Variants in CSTF3 observed in about 807,000 individuals in gnomAD.
The protein encoded by CSTF3 is CF-1 77 kDa subunit.
A neutral mutation model predicts 105.8 loss-of-function variants in CSTF3; 29 were observed. That is an observed-to-expected ratio of 0.27 (90% confidence interval 0.20 to 0.37). The LOEUF (loss-of-function observed/expected upper bound fraction) is 0.37. Among genes scored for constraint, CSTF3 ranks in the 10% least tolerant of loss-of-function variants. The pLI, the probability that CSTF3 is intolerant of heterozygous loss-of-function variation, is 1.00. For missense variants in CSTF3, 357 were observed against 879.3 expected (o/e 0.41, Z 7.51); for synonymous variants, 252 against 281.9 (o/e 0.89, Z 1.06).
chr11:33,131,074 A>C (rs574763725), intron 3 of CSTF3, among the ~76,000 whole-genome samples: 20 of 152,326 alleles, frequency 1.3e-4, no homozygotes, highest in Admixed American at 5.2e-4. Flanking sequence ...CTTAAAATCC[A>C]AAATTACAAA....
chr11:33,086,523 C>T (rs1016610362), intron 18 of CSTF3, among the ~76,000 whole-genome samples: 7 of 151,884 alleles, frequency 4.6e-5, no homozygotes, highest in Non-Finnish European at 1.0e-4. Context: ...CTGCAACCTC[C>T]GCCTCCCGGG....
At chr11:33,138,292 C>G (rs1002402510) in intron 3 of CSTF3, among the ~76,000 whole-genome samples, 3 of 151,720 alleles carry the variant, frequency 2.0e-5, no homozygotes, top group Non-Finnish European at 4.4e-5. Context: ...ACTTCTCTAA[C>G]AATAAGATAT....
chr11:33,087,584 C>T (rs775369819), intron 17 of CSTF3, among the ~76,000 whole-genome samples: 5 of 152,198 alleles, frequency 3.3e-5, no homozygotes, highest in East Asian at 1.9e-4. Flanking sequence ...GGCATCACAC[C>T]GGTTAAGATT....
At chr11:33,093,677 C>T (rs775160048) in intron 15 of CSTF3, among the ~76,000 whole-genome samples, 8 of 152,008 alleles carry the variant, frequency 5.3e-5, no homozygotes, top group Non-Finnish European at 1.2e-4. Context: ...TATTTACACA[C>T]TTACACCACA....
At position 33,086,085 on chromosome 11, in the gene CSTF3, G is replaced by C. The variant is rs960750766; in HGVS notation, c.1796-96C>G. The C allele has an allele frequency of 6.3e-6, 5 of 797,616 alleles. No individual in the cohort carries two copies. In the Middle Eastern group the frequency reaches 7.9e-4, roughly 126 times the overall value. 49.4% of individuals were successfully genotyped at this position (797,616 alleles called of 1,614,324 possible). On this transcript the variant is annotated intron_variant, in intron 18 of 20. Coordinates refer to ENST00000323959, the MANE Select transcript of CSTF3 (RefSeq NM_001326.3). The stretch of plus-strand genomic sequence containing the variant: ...TTGCACATAAAGATCTTCCATGTCT[G>C]CTGCTTTGTTCTGGACACTGAAAAT...
chr11:33,118,517 A>G (rs1855456144), intron 3 of CSTF3, among the ~76,000 whole-genome samples: 1 of 151,886 alleles, frequency 6.6e-6, no homozygotes, highest in Non-Finnish European at 1.5e-5. Flanking sequence ...TTTTGAGAAA[A>G]GTGAGTAATT....
Position 33,084,627 on chromosome 11 carries a change from A to C in CSTF3, c.*460T>G, listed in dbSNP as rs1855083463. The C allele has an allele frequency of 1.3e-5, 2 of 155,804 alleles. No homozygotes were observed. Among genetic ancestry groups the C allele is most frequent in the African/African-American group, 2.4e-5 (1 of 41,612 alleles). 9.7% of individuals were successfully genotyped at this position (155,804 alleles called of 1,614,324 possible). Reference sequence around the variant, plus strand: ...TTTTTTAAAGGACTTTTAAAATTTGAAACTACAAAACGGATTTCATACATT... The same window carrying C: ...TTTTTTAAAGGACTTTTAAAATTTGCAACTACAAAACGGATTTCATACATT... On this transcript the variant is annotated 3_prime_UTR_variant, in exon 21 of 21. Transcript: ENST00000323959.
intron 1 of CSTF3, among the ~76,000 whole-genome samples, chr11:33,143,558 A>C (rs4756073): frequency 0.56 from 84,475 of 151,880 alleles, 26,084 homozygotes; most frequent in Non-Finnish European, 0.69. Context: ...AAGACCAGCC[A>C]GGCTAACATG....
At chr11:33,122,971 T>C (rs1475394887) in intron 3 of CSTF3, among the ~76,000 whole-genome samples, 2 of 140,062 alleles carry the variant, frequency 1.4e-5, no homozygotes, top group East Asian at 4.1e-4. Flanking sequence ...GTAAAACAGG[T>C]CAGTAAGAAC....
intron 1 of CSTF3, among the ~76,000 whole-genome samples, chr11:33,155,364 G>A (rs1031902201): frequency 6.3e-4 from 76 of 121,396 alleles, no homozygotes; most frequent in South Asian, 3.7e-3. Context: ...ACTCTGTCTC[G>A]AAAAAATAAA....
intron 3 of CSTF3, among the ~76,000 whole-genome samples, chr11:33,114,069 T>C (rs1262018663): frequency 2.0e-5 from 3 of 152,192 alleles, no homozygotes; most frequent in African/African-American, 7.2e-5. Flanking sequence ...ACTAAAACTA[T>C]CCTCAGATAA....
chr11:33,150,377 G>A (rs185812060), intron 1 of CSTF3, among the ~76,000 whole-genome samples: 286 of 152,230 alleles, frequency 1.9e-3, no homozygotes, highest in African/African-American at 5.7e-3. Context: ...ATCCAGTTTT[G>A]CTTCTGAAAT....
chr11:33,153,764 A>G (rs1849819817), intron 1 of CSTF3, among the ~76,000 whole-genome samples: 1 of 152,036 alleles, frequency 6.6e-6, no homozygotes, highest in Non-Finnish European at 1.5e-5. Context: ...CTTTCATGAT[A>G]AATTAGAAGG....
intron 3 of CSTF3, among the ~76,000 whole-genome samples, chr11:33,130,289 G>A (rs1855585367): frequency 6.6e-6 from 1 of 151,762 alleles, no homozygotes; most frequent in African/African-American, 2.4e-5. Context: ...CCTGGCCAAC[G>A]TGGTGAAAGC....
chr11:33,122,914 C>CAAAAAA (rs10600978), intron 3 of CSTF3, among the ~76,000 whole-genome samples: 28 of 83,736 alleles, frequency 3.3e-4, no homozygotes, highest in African/African-American at 8.1e-4. Context: ...TATCCTGTCT[C>CAAAAAA]AAAAAAAAAA....
intron 3 of CSTF3, among the ~76,000 whole-genome samples, chr11:33,130,503 G>C (rs1302319438): frequency 1.3e-5 from 2 of 151,974 alleles, no homozygotes; most frequent in Non-Finnish European, 2.9e-5. Flanking sequence ...AGATCATAGG[G>C]AATCTAGTTT....
At chr11:33,093,933 C>T (rs1435339969) in intron 15 of CSTF3, among the ~76,000 whole-genome samples, 1 of 152,124 alleles carries the variant, frequency 6.6e-6, no homozygotes, top group Non-Finnish European at 1.5e-5. Flanking sequence ...GTCTGGAACC[C>T]CTCACCTCGT....
chr11:33,105,855 T>C (rs1214403161), intron 7 of CSTF3, 28 bp downstream of exon 7: 2 of 1,538,562 alleles, frequency 1.3e-6, no homozygotes, highest in Non-Finnish European at 1.8e-6. Context: ...CAACTGTAGA[T>C]GTAAAAAAAA....
In CSTF3 at chr11:33,090,635, T is replaced by A; in HGVS notation, c.1538A>T (p.Lys513Ile). The change falls in exon 17 of 21, where the codon AAA becomes ATA. Residue 513 changes from lysine to isoleucine, a missense_variant. Physicochemically the swap from Lys to Ile is moderately radical, Grantham distance 102 (BLOSUM62 -3). Coordinates refer to ENST00000323959, the MANE Select transcript of CSTF3 (RefSeq NM_001326.3). ...CGTTTCTTTCCCTTCATACTCTTCT[T>A]TGAATGCTGTAAACCGTCTTTTCTC... is the stretch of plus-strand genomic sequence containing the variant. ...KVEKRRFTAFKEEYEGKETAL... is the reference protein window; with the variant it reads ...KVEKRRFTAFIEEYEGKETAL... 6.2e-7 allele frequency: 1 copy of A among 1,612,626 alleles called. No individual in the cohort carries two copies. The highest frequency in any genetic ancestry group is 8.5e-7 in the Non-Finnish European group (1 of 1,179,322).
Sources: gnomAD v4.1 joint callset for allele counts (sites outside exome capture counted in the v4.1 genomes callset) on GRCh38, gnomAD v4.1.1 for gene constraint, MANE v1.5 for transcripts, NCBI Gene and HGNC (gene_info 2026-07-23, HGNC 2026-07-21) for gene names.